Variants in USH2A observed in about 807,000 individuals in gnomAD.
USH2A encodes the protein Usher syndrome 2A (autosomal recessive, mild).
USH2A carries 443 observed loss-of-function variants against 538.9 expected under a neutral mutation model. The ratio of observed to expected loss-of-function variants is 0.82; its 90% CI spans 0.76 to 0.89. USH2A has a LOEUF of 0.89. Ranked by LOEUF, USH2A falls within the 40% of genes least tolerant of loss-of-function variation. USH2A has a pLI of 0.00. For missense variants in USH2A, 6,633 were observed against 6,324.8 expected, an observed-to-expected ratio of 1.05 and a Z score of -1.65; for synonymous variants, 2,413 against 2,273.5, an observed-to-expected ratio of 1.06 and a Z score of -1.75.
chr1:215,967,022 T>C (rs1667362979), intron 36 of USH2A, among the ~76,000 whole-genome samples: 1 of 152,216 alleles, frequency 6.6e-6, no homozygotes, highest in Non-Finnish European at 1.5e-5. Flanking sequence ...TTTTTGTTTA[T>C]CTACCTTGCT....
At chr1:216,378,666 TTTC>T (rs908450967) in intron 3 of USH2A, among the ~76,000 whole-genome samples, 134 of 152,258 alleles carry the variant, frequency 8.8e-4, no homozygotes, top group African/African-American at 3.0e-3. Flanking sequence ...TCTCAATATG[TTTC>T]TTATTTGTTT....
At chr1:215,882,739 G>C (rs1457267988) in intron 41 of USH2A, among the ~76,000 whole-genome samples, 1 of 151,940 alleles carries the variant, frequency 6.6e-6, no homozygotes, top group African/African-American at 2.4e-5. Context: ...ACTTATGCTG[G>C]AACTTGCTTT....
At chr1:216,238,324 C>A (rs569158957) in intron 13 of USH2A, among the ~76,000 whole-genome samples, 2 of 152,242 alleles carry the variant, frequency 1.3e-5, no homozygotes, top group South Asian at 4.1e-4. Flanking sequence ...GGGTCACTGG[C>A]TCGGGATGCG....
intron 22 of USH2A, 57 bp from the exon 23 acceptor site, chr1:216,089,196 C>T (rs975463378): frequency 1.2e-5 from 18 of 1,540,546 alleles, no homozygotes; most frequent in East Asian, 2.3e-5. Flanking sequence ...CAAATAAACA[C>T]ACACATATTT....
intron 4 of USH2A, among the ~76,000 whole-genome samples, chr1:216,332,915 C>T (rs988129845): frequency 6.6e-6 from 1 of 151,942 alleles, no homozygotes; most frequent in African/African-American, 2.4e-5. Context: ...TGGTTTTCAA[C>T]AAAGAATATG....
intron 3 of USH2A, among the ~76,000 whole-genome samples, chr1:216,416,117 G>A (rs137938655): frequency 0.045 from 6,810 of 152,130 alleles, 228 homozygotes; most frequent in Non-Finnish European, 0.073. Context: ...AGTGAGCCAA[G>A]ATCATGCCAT....
chr1:216,209,204 T>A (rs1041579098), intron 15 of USH2A, among the ~76,000 whole-genome samples: 7 of 152,216 alleles, frequency 4.6e-5, no homozygotes. Flanking sequence ...AATGACTGTA[T>A]GAAGAGCATC....
At chr1:216,040,104 A>G (rs374148528) in intron 32 of USH2A, among the ~76,000 whole-genome samples, 195 of 150,790 alleles carry the variant, frequency 1.3e-3, no homozygotes, top group African/African-American at 4.5e-3. Context: ...CACTCATTAC[A>G]TTGCTATTAT....
At chr1:216,073,878 G>C (rs17026031) in intron 27 of USH2A, among the ~76,000 whole-genome samples, 1 of 152,282 alleles carries the variant, frequency 6.6e-6, no homozygotes, top group Admixed American at 6.5e-5. Context: ...AATTTAGCCC[G>C]AGTTACATCA....
chr1:216,207,556 T>C (rs781453268), intron 15 of USH2A, 125 bp from the exon 16 acceptor site: 12 of 1,200,536 alleles, frequency 1.0e-5, no homozygotes, highest in Non-Finnish European at 1.4e-5. Flanking sequence ...AGACATGTGG[T>C]TTACCAAGAC....
intron 41 of USH2A, among the ~76,000 whole-genome samples, chr1:215,887,744 GT>G (rs554393155): frequency 1.1e-3 from 174 of 152,296 alleles, no homozygotes; most frequent in African/African-American, 3.9e-3. Flanking sequence ...AATGTCCTTT[GT>G]TTTGTGCTCC....
At chr1:215,826,935 A>G (rs2102805505) in intron 47 of USH2A, among the ~76,000 whole-genome samples, 1 of 152,322 alleles carries the variant, frequency 6.6e-6, no homozygotes, top group Admixed American at 6.5e-5. Context: ...GATTAAAAAT[A>G]CTTCAAAGAT....
chr1:215,693,078 A>G (rs74494233), intron 61 of USH2A, among the ~76,000 whole-genome samples: 33 of 69,992 alleles, frequency 4.7e-4, no homozygotes, highest in South Asian at 2.3e-3. Flanking sequence ...TTGTGTGTGT[A>G]TATATATATA....
At chr1:215,979,886 T>G (rs1667708541) in intron 35 of USH2A, among the ~76,000 whole-genome samples, 1 of 152,152 alleles carries the variant, frequency 6.6e-6, no homozygotes, top group South Asian at 2.1e-4. Flanking sequence ...AAGGGAATTG[T>G]TTTTCAGTGT....
rs568584948 is a variant in USH2A, at chr1:216,354,112, T to C, written c.784+10841A>G. On this transcript the variant is annotated intron_variant, in intron 4 of 71. Transcript: ENST00000307340. ...ATTTTCAATTCTATCCACAGATATC[T>C]GAAACCAGTAGTGAGCTAAATAATA... 9.4e-4 allele frequency among the ~76,000 whole-genome samples: 143 copies of C among 152,262 alleles called. 1 individual carries two copies. The highest frequency in any genetic ancestry group is 3.3e-3 in the African/African-American group (136 of 41,584).
At chr1:215,804,072 G>A (rs1571702793) in intron 49 of USH2A, among the ~76,000 whole-genome samples, 1 of 152,244 alleles carries the variant, frequency 6.6e-6, no homozygotes, top group African/African-American at 2.4e-5. Flanking sequence ...GGGAAAACTG[G>A]CTAGCCATAT....
At chr1:216,102,914 T>C (rs916509519) in intron 21 of USH2A, among the ~76,000 whole-genome samples, 13 of 152,174 alleles carry the variant, frequency 8.5e-5, no homozygotes, top group African/African-American at 3.1e-4. Flanking sequence ...TCACAAGATA[T>C]ACAAGTATGT....
Position 215,900,071 on chromosome 1 carries a change from T to C in USH2A, c.7594+4A>G, listed in dbSNP as rs771056112. The C allele has an allele frequency of 5.0e-6, 8 of 1,613,678 alleles. No homozygotes were observed. Among genetic ancestry groups the C allele is most frequent in the Non-Finnish European group, 6.8e-6 (8 of 1,179,710 alleles). ...TTTGGCTGTGTATTGTTCAGACCAC[T>C]TACTGTCCTCTGCGGTCATGAATGG... On this transcript the variant is annotated splice_donor_region_variant and intron_variant, in intron 40 of 71. Coordinates refer to ENST00000307340, the MANE Select transcript of USH2A (RefSeq NM_206933.4).
At chr1:215,704,228 G>T (rs1344644321) in intron 61 of USH2A, among the ~76,000 whole-genome samples, 7 of 152,174 alleles carry the variant, frequency 4.6e-5, no homozygotes, top group Non-Finnish European at 8.8e-5. Flanking sequence ...TGGTCTCACT[G>T]GGAGCTGCAG....
Sources: gnomAD v4.1 joint callset for allele counts (sites outside exome capture counted in the v4.1 genomes callset) on GRCh38, gnomAD v4.1.1 for gene constraint, MANE v1.5 for transcripts, NCBI Gene and HGNC (gene_info 2026-07-23, HGNC 2026-07-21) for gene names.